NKAIN3: variants seen among roughly 807,000 people sequenced by gnomAD.
The protein encoded by NKAIN3 is sodium/potassium-transporting ATPase subunit beta-1-interacting protein 3.
In NKAIN3, 25 loss-of-function variants were observed where a neutral mutation model predicts 30.2. The observed-to-expected ratio is 0.83, with a 90% confidence interval of 0.60 to 1.16. NKAIN3 has a LOEUF of 1.16. Ranked by LOEUF, NKAIN3 falls within the 50% of genes most tolerant of loss-of-function variation. The pLI, the probability that NKAIN3 is intolerant of heterozygous loss-of-function variation, is 0.00. For synonymous variants in NKAIN3, 91 were observed against 89.6 expected (o/e 1.02, Z -0.09); for missense variants, 225 against 254.1 (o/e 0.89, Z 0.78).
At chr8:62,883,968 G>A (rs1046761780) in intron 4 of NKAIN3, among the ~76,000 whole-genome samples, 1 of 152,132 alleles carries the variant, frequency 6.6e-6, no homozygotes, top group Non-Finnish European at 1.5e-5. Context: ...CTATGATCCT[G>A]TGATTTTTCT....
intron 4 of NKAIN3, chr8:62,864,096 G>T: frequency 1.5e-6 from 1 of 647,262 alleles, no homozygotes; most frequent in Non-Finnish European, 2.8e-6. Context: ...CGCGGCGCAA[G>T]CGGGGCTACA....
intron 5 of NKAIN3, among the ~76,000 whole-genome samples, chr8:62,945,621 T>C (rs1235647725): frequency 2.0e-5 from 3 of 152,126 alleles, no homozygotes; most frequent in Non-Finnish European, 4.4e-5. Context: ...GGCACATAAA[T>C]TTTGGAATTG....
chr8:62,786,030 T>C (rs1817506037), intron 4 of NKAIN3, among the ~76,000 whole-genome samples: 1 of 152,030 alleles, frequency 6.6e-6, no homozygotes, highest in South Asian at 2.1e-4. Context: ...TCAGGCAAGT[T>C]GGTTCTCCCA....
intron 1 of NKAIN3, among the ~76,000 whole-genome samples, chr8:62,506,632 G>A (rs896542575): frequency 6.6e-6 from 1 of 151,258 alleles, no homozygotes. Context: ...ATACCACTAC[G>A]CCCTGCTGAG....
intron 1 of NKAIN3, among the ~76,000 whole-genome samples, chr8:62,512,720 A>C (rs1045834674): frequency 1.6e-5 from 2 of 124,352 alleles, no homozygotes; most frequent in Admixed American, 1.7e-4. Flanking sequence ...TTAGTACTGA[A>C]GCTGCTGCCA....
At chr8:62,790,532 G>A (rs934611132) in intron 4 of NKAIN3, among the ~76,000 whole-genome samples, 1 of 152,004 alleles carries the variant, frequency 6.6e-6, no homozygotes, top group East Asian at 1.9e-4. Flanking sequence ...TAGGCAGTGA[G>A]CAAGAGGCTC....
chr8:62,784,652 C>A (rs1586191578), intron 4 of NKAIN3, among the ~76,000 whole-genome samples: 1 of 151,988 alleles, frequency 6.6e-6, no homozygotes, highest in East Asian at 1.9e-4. Flanking sequence ...ACAAAAATAT[C>A]CTAAGCCCTG....
In NKAIN3 at chr8:62,911,881, A is replaced by G. The variant is rs1018471798; in HGVS notation, c.472-6572A>G. 6.6e-5 allele frequency among the ~76,000 whole-genome samples: 10 copies of G among 152,138 alleles called. No homozygotes were observed. In the South Asian group the frequency reaches 8.3e-4, roughly 13 times the overall value. ...CAGCTTCTTTTTCTATTTATTTTTT[A>G]TCTAAAAACCTAAGGAACATTAGCT... On this transcript the variant is annotated intron_variant, in intron 4 of 6. Coordinates refer to ENST00000623646, the MANE Select transcript of NKAIN3 (RefSeq NM_001304533.3).
At chr8:62,797,516 C>T (rs939581039) in intron 4 of NKAIN3, among the ~76,000 whole-genome samples, 4 of 152,180 alleles carry the variant, frequency 2.6e-5, no homozygotes, top group Non-Finnish European at 5.9e-5. Flanking sequence ...CCTGTGTCTC[C>T]TGCCAGACAG....
chr8:62,375,137 C>T (rs970414539), intron 1 of NKAIN3, among the ~76,000 whole-genome samples: 1 of 152,190 alleles, frequency 6.6e-6, no homozygotes, highest in Non-Finnish European at 1.5e-5. Flanking sequence ...TTTGAATTAA[C>T]CAGACCAGCT....
intron 1 of NKAIN3, among the ~76,000 whole-genome samples, chr8:62,533,577 C>A (rs1407367012): frequency 1.3e-5 from 2 of 152,222 alleles, no homozygotes; most frequent in Non-Finnish European, 2.9e-5. Context: ...AGACTGAGTT[C>A]TCTCTACTTG....
chr8:62,302,578 G>GTCAA (rs557850523), intron 1 of NKAIN3, among the ~76,000 whole-genome samples: 150 of 152,136 alleles, frequency 9.9e-4, no homozygotes, highest in African/African-American at 3.4e-3. Context: ...CATGAGGGAT[G>GTCAA]TCAATATACT....
At chr8:62,701,836 C>A (rs1368748626) in intron 3 of NKAIN3, among the ~76,000 whole-genome samples, 1 of 152,156 alleles carries the variant, frequency 6.6e-6, no homozygotes, top group Non-Finnish European at 1.5e-5. Flanking sequence ...TCTTGCATGG[C>A]CATTTGGAAC....
intron 1 of NKAIN3, among the ~76,000 whole-genome samples, chr8:62,571,162 GTC>G (rs1809925654): frequency 7.0e-6 from 1 of 143,614 alleles, no homozygotes; most frequent in Non-Finnish European, 1.5e-5. Flanking sequence ...TTTTCAGACA[GTC>G]TCACTCTACT....
rs551148008 is a variant in NKAIN3 at position 62,739,053 on chromosome 8, C to T, written c.274-7879C>T. Among the ~76,000 whole-genome samples the T allele has an allele frequency of 3.2e-3, 481 of 152,172 alleles. 2 individuals are homozygous for T. Among genetic ancestry groups the T allele is most frequent in the African/African-American group, 0.011 (467 of 41,518 alleles). ...CACCACATATTCTCACTCATAAGTGCAATTGAACAATGAGAACACATGGAC... is the reference window on the plus strand; with the variant it reads ...CACCACATATTCTCACTCATAAGTGTAATTGAACAATGAGAACACATGGAC... On this transcript the variant is annotated intron_variant, in intron 3 of 6. Transcript: ENST00000623646.
At chr8:62,891,807 C>T (rs1333201164) in intron 4 of NKAIN3, among the ~76,000 whole-genome samples, 1 of 152,140 alleles carries the variant, frequency 6.6e-6, no homozygotes, top group Admixed American at 6.6e-5. Flanking sequence ...CTTTCTCCTT[C>T]TTTTCTCTTC....
rs1823779381 is a variant in NKAIN3 at position 62,969,208 on chromosome 8, C to T, written c.*3801C>T. Among the ~76,000 whole-genome samples the T allele has an allele frequency of 6.6e-6, 1 of 152,194 alleles. No individual in the cohort carries two copies. The highest frequency in any genetic ancestry group is 2.1e-4 in the South Asian group (1 of 4,826). Reference sequence around the variant, plus strand: ...AAATAAGCCCTGTTATTCCTATAGACCTAAATAAGGGAGGCAGCCAGTTTC... The same window carrying T: ...AAATAAGCCCTGTTATTCCTATAGATCTAAATAAGGGAGGCAGCCAGTTTC... On this transcript the variant is annotated 3_prime_UTR_variant, in exon 7 of 7. Coordinates refer to ENST00000623646, the MANE Select transcript of NKAIN3 (RefSeq NM_001304533.3).
intron 1 of NKAIN3, among the ~76,000 whole-genome samples, chr8:62,312,714 G>A (rs1469016649): frequency 2.0e-5 from 3 of 152,110 alleles, no homozygotes; most frequent in African/African-American, 4.8e-5. Flanking sequence ...CTACCTGGGA[G>A]GTTGAGGTGG....
At chr8:62,669,014 G>A (rs1232991341) in intron 3 of NKAIN3, among the ~76,000 whole-genome samples, 1 of 152,080 alleles carries the variant, frequency 6.6e-6, no homozygotes, top group Admixed American at 6.6e-5. Context: ...AATCAGAAAG[G>A]TCTACCACTC....
Sources: gnomAD v4.1 joint callset for allele counts (sites outside exome capture counted in the v4.1 genomes callset) on GRCh38, gnomAD v4.1.1 for gene constraint, MANE v1.5 for transcripts, NCBI Gene and HGNC (gene_info 2026-07-23, HGNC 2026-07-21) for gene names.